The following ROR2 variants were observed in gnomAD, a reference collection of about 807,000 sequenced individuals.
ROR2 encodes the protein ROR family WNT receptor 2.
In ROR2, 33 loss-of-function variants were observed where a neutral mutation model predicts 74.9. The observed-to-expected ratio is 0.44, with a 90% CI of 0.33 to 0.59. The LOEUF is 0.59. ROR2 is among the 20% of genes least tolerant of loss of function. The probability of loss-of-function intolerance (pLI) is 0.02; values close to 1 mark genes in which losing one functional copy is unlikely to be tolerated. For synonymous variants in ROR2, 586 were observed against 558.7 expected (o/e 1.05, Z -0.69); for missense variants, 1,216 against 1,313.8 (o/e 0.93, Z 1.15).
At chr9:91,929,912 G>A (rs1436779411) in intron 1 of ROR2, among the ~76,000 whole-genome samples, 8 of 152,166 alleles carry the variant, frequency 5.3e-5, no homozygotes, top group Admixed American at 3.9e-4. Context: ...AACACAGAGA[G>A]CAAAGATGAA....
chr9:91,724,670 G>A lies in ROR2; in HGVS notation c.1824C>T (p.Ser608=). The change falls in exon 9 of 9, where the codon AGC becomes AGT. Residue 608 remains serine, a synonymous_variant. Transcript: ENST00000375708. ...CCAGGTCCTTGTGAACCACGTGGTG[G>A]CTGGATAGGTACTCCATCCCCGCCG... ...QIAAGMEYLS[S]HHVVHKDLAT... is the part of the protein sequence containing the mutation. 6.2e-7 allele frequency: 1 copy of A among 1,614,194 alleles called. No homozygotes were observed. The highest frequency in any genetic ancestry group is 1.3e-5 in the African/African-American group (1 of 75,070).
chr9:91,779,386 T>C (rs1338670042), intron 1 of ROR2, among the ~76,000 whole-genome samples: 4 of 136,238 alleles, frequency 2.9e-5, no homozygotes, highest in Admixed American at 7.7e-5. Context: ...TTTTTTTTTT[T>C]CGAGACAGAG....
rs192363387 is a variant in ROR2 at position 91,946,441 on chromosome 9, C to T, written c.97+3426G>A. 4.0e-3 allele frequency among the ~76,000 whole-genome samples: 603 copies of T among 152,330 alleles called. 4 individuals carry two copies. The highest frequency in any genetic ancestry group is 6.4e-3 in the Non-Finnish European group (437 of 68,030). On this transcript the variant is annotated intron_variant, in intron 1 of 8. Coordinates refer to ENST00000375708, the MANE Select transcript of ROR2 (RefSeq NM_004560.4). Reference sequence around the variant, plus strand: ...CCTTCACCACGTGGAAACCACAAGACGCTGATGGGGTGTGGAAGAGGAGGA... The same window carrying T: ...CCTTCACCACGTGGAAACCACAAGATGCTGATGGGGTGTGGAAGAGGAGGA...
chr9:91,901,255 C>T (rs1333045469), intron 1 of ROR2, among the ~76,000 whole-genome samples: 1 of 152,220 alleles, frequency 6.6e-6, no homozygotes, highest in East Asian at 1.9e-4. Context: ...CTATCTCCAA[C>T]TGTACCCATG....
chr9:91,764,427 G>A (rs1332033952), intron 2 of ROR2, among the ~76,000 whole-genome samples: 1 of 151,540 alleles, frequency 6.6e-6, no homozygotes, highest in Non-Finnish European at 1.5e-5. Flanking sequence ...ATTTTTAAAT[G>A]CTCCATTTTT....
chr9:91,730,985 C>A lies in ROR2; in HGVS notation c.1108G>T (p.Gly370Cys). 4 of 1,614,188 alleles carry A rather than the reference C, an allele frequency of 2.5e-6. No individual in the cohort carries two copies. The highest frequency in any genetic ancestry group is 3.4e-6 in the Non-Finnish European group (4 of 1,180,036). ...GGHAYCRNPG[G>C]QMEGPWCFTQ... ...AAGCACCAGGGGCCCTCCATCTGGC[C>A]TCCGGGGTTCCGGCAGTAGGCGTGC... The change falls in exon 7 of 9, where the codon GGC (glycine) becomes TGC (cysteine). Residue 370 changes from glycine to cysteine, a missense_variant. Coordinates refer to ENST00000375708, the MANE Select transcript of ROR2 (RefSeq NM_004560.4).
chr9:91,845,650 G>C (rs1206766890), intron 1 of ROR2, among the ~76,000 whole-genome samples: 1 of 152,088 alleles, frequency 6.6e-6, no homozygotes, highest in East Asian at 1.9e-4. Context: ...GGGAGGCTGA[G>C]GCGGGCGGAT....
At chr9:91,805,987 A>C (rs1416455799) in intron 1 of ROR2, among the ~76,000 whole-genome samples, 1 of 152,238 alleles carries the variant, frequency 6.6e-6, no homozygotes, top group East Asian at 1.9e-4. Context: ...TTGAGGATTC[A>C]GTGCAATTCA....
rs1829873271 is a variant in ROR2 at position 91,873,739 on chromosome 9, A to G, written c.97+76128T>C. On this transcript the variant is annotated intron_variant, in intron 1 of 8. Coordinates refer to ENST00000375708, the MANE Select transcript of ROR2 (RefSeq NM_004560.4). ...AACACACTGTACCCAGCCCAGCAAT[A>G]TATATAGCTGTGTTGACAGCACTGT... is the stretch of plus-strand genomic sequence containing the variant. Among the ~76,000 whole-genome samples, 3 of 152,218 alleles carry G rather than the reference A, an allele frequency of 2.0e-5. No individual in the cohort carries two copies. In the South Asian group the frequency reaches 6.2e-4, roughly 32 times the overall value.
chr9:91,747,367 T>C (rs1825456384), intron 4 of ROR2, among the ~76,000 whole-genome samples: 1 of 152,170 alleles, frequency 6.6e-6, no homozygotes, highest in Non-Finnish European at 1.5e-5. Flanking sequence ...ATCACAGCGC[T>C]CACGCGTGTG....
intron 2 of ROR2, 144 bp downstream of exon 2, chr9:91,775,597 G>A (rs1826391315): frequency 4.1e-6 from 3 of 740,434 alleles, no homozygotes; most frequent in Non-Finnish European, 7.1e-6. Flanking sequence ...AGGAATCAAG[G>A]TGGCATTCCA....
At chr9:91,827,388 G>A (rs1393518545) in intron 1 of ROR2, among the ~76,000 whole-genome samples, 1 of 152,032 alleles carries the variant, frequency 6.6e-6, no homozygotes, top group Non-Finnish European at 1.5e-5. Flanking sequence ...TCCAGCCTGG[G>A]CAACAAGAGT....
intron 1 of ROR2, among the ~76,000 whole-genome samples, chr9:91,812,536 G>T (rs559436651): frequency 1.3e-5 from 2 of 149,658 alleles, no homozygotes. Context: ...AGGCACACAC[G>T]TGTGTGTGGC....
Position 91,733,022 on chromosome 9 carries a change from A to G in ROR2, c.937+100T>C, listed in dbSNP as rs543255264. On this transcript the variant is annotated intron_variant, in intron 6 of 8. Transcript: ENST00000375708. This position sits in a 1 kb window ranked among gnomAD's most constrained non-coding sequence, Gnocchi z 5.7. ...TAAGGGGGTTCTGTGGGGCCTGGAC[A>G]GATGGGGCTCCCTGGGCTTCACCGA... The G allele has an allele frequency of 5.8e-6, 7 of 1,214,266 alleles. No homozygotes were observed. The highest frequency in any genetic ancestry group is 8.0e-6 in the Non-Finnish European group (7 of 871,018). 75.2% of individuals were successfully genotyped at this position (1,214,266 alleles called of 1,614,324 possible). A position where few individuals can be genotyped will look rare whatever the true frequency, so the allele number is the denominator to read the frequency against.
intron 1 of ROR2, among the ~76,000 whole-genome samples, chr9:91,808,324 C>A (rs1479289463): frequency 1.3e-5 from 2 of 152,172 alleles, no homozygotes; most frequent in Non-Finnish European, 2.9e-5. Flanking sequence ...AATCAGTAAG[C>A]CTCTCCTCAA....
Position 91,724,303 on chromosome 9 carries a change from C to T in ROR2, c.2191G>A (p.Glu731Lys), listed in dbSNP as rs757252249. 27 of 1,613,012 alleles carry T rather than the reference C, an allele frequency of 1.7e-5. No homozygotes were observed. Among genetic ancestry groups the T allele is most frequent in the Middle Eastern group, 3.3e-4 (2 of 6,084 alleles). ...VYALMIECWN[E>K]FPSRRPRFKD... ...AAGCGGGGCCGCCGGCTGGGGAACT[C>T]GTTCCAGCACTCGATCATGAGGGCA... is the stretch of plus-strand genomic sequence containing the variant. Residue 731 changes from glutamate (E) to lysine (K), a missense_variant, in exon 9 of 9, where the codon GAG (glutamate) becomes AAG (lysine). Physicochemically the swap from Glu to Lys is moderately conservative, Grantham distance 56. Transcript: ENST00000375708.
intron 1 of ROR2, among the ~76,000 whole-genome samples, chr9:91,935,846 C>T (rs560909838): frequency 4.2e-4 from 64 of 152,342 alleles, no homozygotes; most frequent in Admixed American, 9.8e-4. Flanking sequence ...AGATGGGCAG[C>T]CTAGCAATGA....
intron 1 of ROR2, among the ~76,000 whole-genome samples, chr9:91,795,836 C>T (rs757417184): frequency 6.6e-6 from 1 of 152,198 alleles, no homozygotes; most frequent in Non-Finnish European, 1.5e-5. Context: ...ACACAGGAAC[C>T]TCTGTTATGG....
At chr9:91,828,373 C>G (rs1031911602) in intron 1 of ROR2, among the ~76,000 whole-genome samples, 2 of 152,142 alleles carry the variant, frequency 1.3e-5, no homozygotes, top group African/African-American at 4.8e-5. Flanking sequence ...TTAGTAAGTT[C>G]ACAAATTAAT....
Sources: allele counts gnomAD v4.1 joint callset (sites outside exome capture counted in the v4.1 genomes callset), GRCh38; gene constraint gnomAD v4.1.1; non-coding constraint Gnocchi (gnomAD v3.1); transcripts MANE v1.5; gene names NCBI Gene and HGNC (gene_info 2026-07-23, HGNC 2026-07-21).